Variants in GLIS3 observed in about 807,000 individuals in gnomAD.
GLIS3 encodes GLIS family zinc finger 3, also known as zinc finger protein GLIS3.
In GLIS3, 53 loss-of-function variants were observed where a neutral mutation model predicts 78.6. The ratio of observed to expected loss-of-function variants is 0.67; its 90% CI spans 0.54 to 0.85. GLIS3 has a LOEUF of 0.85. GLIS3 is among the 40% of genes least tolerant of loss of function. The pLI, the probability that GLIS3 is intolerant of heterozygous loss-of-function variation, is 0.00. For synonymous variants in GLIS3, 684 were observed against 509.9 expected (o/e 1.34, Z -4.60); for missense variants, 1,703 against 1,231.1 (o/e 1.38, Z -5.74).
At chr9:4,478,824 C>T in the GLIS3 span, among the ~76,000 whole-genome samples, 1 of 152,126 alleles carries the variant, frequency 6.6e-6, no homozygotes, top group East Asian at 1.9e-4. Flanking sequence ...CCAATAGATG[C>T]TAAAACCATA....
At chr9:4,469,714 C>A in the GLIS3 span, among the ~76,000 whole-genome samples, 1 of 152,116 alleles carries the variant, frequency 6.6e-6, no homozygotes, top group Non-Finnish European at 1.5e-5. Flanking sequence ...CCTAACATCA[C>A]AATTAAAAGA....
the GLIS3 span, chr9:4,386,310 A>G: frequency 6.6e-6 from 1 of 152,206 alleles, no homozygotes; most frequent in African/African-American, 2.4e-5. Context: ...ACATTTTCAT[A>G]GCCAAATCTT....
At chr9:4,236,527 T>G (rs747915944) in intron 2 of GLIS3, among the ~76,000 whole-genome samples, 4 of 152,186 alleles carry the variant, frequency 2.6e-5, no homozygotes, top group Non-Finnish European at 5.9e-5. Context: ...ATATTGGCTG[T>G]AACTGTAAGC....
rs1226358788 is a variant in GLIS3, at chr9:3,827,117, G to T, written c.*1155C>A. On this transcript the variant is annotated 3_prime_UTR_variant, in exon 11 of 11. Transcript: ENST00000381971. The stretch of plus-strand genomic sequence containing the variant: ...TGATCAGACAATGGCGGCTGGTGGG[G>T]ATATATGAACCACAGTCAGGAAGAG... The T allele has an allele frequency of 6.6e-6, 1 of 152,240 alleles. No individual in the cohort carries two copies. The highest frequency in any genetic ancestry group is 6.5e-5 in the Admixed American group (1 of 15,286). 9.4% of individuals were successfully genotyped at this position (152,240 alleles called of 1,614,324 possible).
At chr9:4,254,409 A>G (rs1037175182) in intron 2 of GLIS3, among the ~76,000 whole-genome samples, 3 of 152,238 alleles carry the variant, frequency 2.0e-5, no homozygotes, top group African/African-American at 7.2e-5. Flanking sequence ...ATACTATACT[A>G]CTGGTGGAGA....
intron 4 of GLIS3, among the ~76,000 whole-genome samples, chr9:3,972,057 T>C (rs1818419049): frequency 6.6e-6 from 1 of 152,148 alleles, no homozygotes; most frequent in Non-Finnish European, 1.5e-5. Flanking sequence ...CACACTAGCG[T>C]GTTAGCATTT....
chr9:4,176,502 A>G (rs1816825244), intron 2 of GLIS3, among the ~76,000 whole-genome samples: 1 of 152,142 alleles, frequency 6.6e-6, no homozygotes, highest in South Asian at 2.1e-4. Context: ...ACCATTCAGC[A>G]TTAAGTCTAC....
the GLIS3 span, among the ~76,000 whole-genome samples, chr9:4,392,812 T>C: frequency 4.6e-5 from 7 of 152,168 alleles, no homozygotes; most frequent in Non-Finnish European, 1.0e-4. Flanking sequence ...GTCCTTATAA[T>C]GTTAAGTAGA....
intron 2 of GLIS3, among the ~76,000 whole-genome samples, chr9:4,220,855 T>C (rs551093195): frequency 1.3e-5 from 2 of 152,060 alleles, no homozygotes; most frequent in Non-Finnish European, 2.9e-5. Context: ...CATGGAGGTA[T>C]GGACCTGTAA....
intron 2 of GLIS3, among the ~76,000 whole-genome samples, chr9:4,250,998 C>T (rs1384248074): frequency 6.6e-6 from 1 of 151,998 alleles, no homozygotes; most frequent in Non-Finnish European, 1.5e-5. Context: ...CATTCTTTTG[C>T]ATTTGCTGAG....
At chr9:4,329,157 C>A (rs1478196180) in intron 2 of GLIS3, among the ~76,000 whole-genome samples, 1 of 152,146 alleles carries the variant, frequency 6.6e-6, no homozygotes, top group East Asian at 1.9e-4. Flanking sequence ...GAATTTTCTA[C>A]CTCTGTGGCC....
At chr9:4,233,665 G>C (rs1822468205) in intron 2 of GLIS3, among the ~76,000 whole-genome samples, 1 of 152,162 alleles carries the variant, frequency 6.6e-6, no homozygotes, top group African/African-American at 2.4e-5. Flanking sequence ...ATGAACACTG[G>C]CTTCAACTTA....
intron 7 of GLIS3, among the ~76,000 whole-genome samples, chr9:3,880,265 CAG>C (rs1034186824): frequency 5.5e-4 from 83 of 152,196 alleles, no homozygotes; most frequent in Non-Finnish European, 1.0e-3. Context: ...CGTTATGACA[CAG>C]AGAGTGAGTT....
At chr9:4,153,368 A>C (rs528422499) in intron 2 of GLIS3, among the ~76,000 whole-genome samples, 106 of 152,342 alleles carry the variant, frequency 7.0e-4, no homozygotes, top group Non-Finnish European at 1.4e-3. Context: ...GTTCAAGACC[A>C]GCCTGGTCAA....
chr9:4,089,482 A>G (rs1250616854), intron 4 of GLIS3, among the ~76,000 whole-genome samples: 3 of 152,166 alleles, frequency 2.0e-5, no homozygotes, highest in African/African-American at 7.2e-5. Context: ...TATTATTATT[A>G]TAAAATTGCT....
At chr9:4,347,222 G>C (rs1197911406) in intron 1 of GLIS3, 2 of 152,204 alleles carry the variant, frequency 1.3e-5, no homozygotes, top group African/African-American at 4.8e-5. Context: ...GACAGAGGAA[G>C]TGTCAGACTC....
chr9:4,413,406 G>T, the GLIS3 span, among the ~76,000 whole-genome samples: 1 of 152,110 alleles, frequency 6.6e-6, no homozygotes, highest in Non-Finnish European at 1.5e-5. Flanking sequence ...GTTAATCCCT[G>T]TTCTAATCAA....
At chr9:4,268,868 T>A (rs927016671) in intron 2 of GLIS3, among the ~76,000 whole-genome samples, 2 of 152,124 alleles carry the variant, frequency 1.3e-5, no homozygotes, top group Admixed American at 6.5e-5. Context: ...ACCCCTTCCT[T>A]TCGATCCTCC....
chr9:4,047,163 C>T (rs182651895), intron 4 of GLIS3, among the ~76,000 whole-genome samples: 6 of 152,268 alleles, frequency 3.9e-5, no homozygotes, highest in Admixed American at 2.6e-4. Flanking sequence ...AGTGAGTTCT[C>T]ATGAGAGCTG....
Sources: allele counts gnomAD v4.1 joint callset (sites outside exome capture counted in the v4.1 genomes callset), GRCh38; gene constraint gnomAD v4.1.1; transcripts MANE v1.5; gene names NCBI Gene and HGNC (gene_info 2026-07-23, HGNC 2026-07-21).